LINGO2: variants seen among roughly 807,000 people sequenced by gnomAD.
LINGO2 encodes leucine-rich repeat and immunoglobulin-like domain-containing nogo receptor-interacting protein 2.
In LINGO2, 14 loss-of-function variants were observed where a neutral mutation model predicts 30.6. The observed-to-expected ratio is 0.46, with a 90% CI of 0.30 to 0.72. The LOEUF (loss-of-function observed/expected upper bound fraction) is 0.72, where lower values mean the gene tolerates loss of function less well. Among genes scored for constraint, LINGO2 ranks in the 30% least tolerant of loss-of-function variants. The pLI is 0.07. For synonymous variants in LINGO2, 317 were observed against 288.5 expected (o/e 1.10, Z -1.00); for missense variants, 729 against 751.7 (o/e 0.97, Z 0.35).
chr9:28,706,169 T>A, the LINGO2 span, among the ~76,000 whole-genome samples: 3 of 152,150 alleles, frequency 2.0e-5, no homozygotes, highest in Non-Finnish European at 4.4e-5. Context: ...ACTCTCTATA[T>A]GACAATCTAC....
intron 1 of LINGO2, among the ~76,000 whole-genome samples, chr9:28,541,478 T>A (rs997925055): frequency 3.3e-5 from 5 of 152,120 alleles, no homozygotes; most frequent in African/African-American, 1.2e-4. Flanking sequence ...AAAACATGAA[T>A]AGAAAAACAA....
the LINGO2 span, among the ~76,000 whole-genome samples, chr9:28,859,273 A>G: frequency 6.6e-6 from 1 of 152,102 alleles, no homozygotes; most frequent in African/African-American, 2.4e-5. Flanking sequence ...GTAAAAGTAC[A>G]GGATCTCAAG....
chr9:29,075,108 A>G, the LINGO2 span, among the ~76,000 whole-genome samples: 3 of 152,182 alleles, frequency 2.0e-5, no homozygotes. Flanking sequence ...AATTTATACT[A>G]GCATTCATAA....
At chr9:28,712,874 C>G in the LINGO2 span, among the ~76,000 whole-genome samples, 1 of 151,458 alleles carries the variant, frequency 6.6e-6, no homozygotes, top group East Asian at 1.9e-4. Flanking sequence ...TTCATTTATT[C>G]ATTTATTTTT....
the LINGO2 span, among the ~76,000 whole-genome samples, chr9:28,772,429 G>A: frequency 1.3e-5 from 2 of 152,240 alleles, no homozygotes; most frequent in African/African-American, 4.8e-5. Context: ...ATCCACTGAA[G>A]ACCAGTTGCA....
intron 1 of LINGO2, among the ~76,000 whole-genome samples, chr9:28,659,765 A>C (rs1398687618): frequency 6.6e-6 from 1 of 152,106 alleles, no homozygotes; most frequent in Non-Finnish European, 1.5e-5. Flanking sequence ...TGACTTCTGA[A>C]TTGCAAAGAT....
At chr9:28,660,564 C>G (rs570233328) in intron 1 of LINGO2, among the ~76,000 whole-genome samples, 6 of 151,318 alleles carry the variant, frequency 4.0e-5, no homozygotes, top group African/African-American at 1.2e-4. Flanking sequence ...AAAAATGTAG[C>G]CTAAAATCAT....
chr9:28,381,720 A>G (rs890165195), intron 2 of LINGO2, among the ~76,000 whole-genome samples: 1 of 152,034 alleles, frequency 6.6e-6, no homozygotes, highest in African/African-American at 2.4e-5. Context: ...TGTCTGATGG[A>G]AGTGTTTAGC....
chr9:29,026,566 T>G, the LINGO2 span, among the ~76,000 whole-genome samples: 1 of 152,262 alleles, frequency 6.6e-6, no homozygotes, highest in South Asian at 2.1e-4. Context: ...ACAGTATAGA[T>G]ATTTATATTT....
At chr9:28,117,318 G>C (rs1417629158) in intron 4 of LINGO2, among the ~76,000 whole-genome samples, 1 of 146,674 alleles carries the variant, frequency 6.8e-6, no homozygotes, top group Admixed American at 6.8e-5. Flanking sequence ...CTTCAAAGCT[G>C]TCAGACAGGG....
At chr9:27,946,592 A>G (rs1211325056), downstream of LINGO2, among the ~76,000 whole-genome samples, 4 of 152,118 alleles carry the variant, frequency 2.6e-5, no homozygotes, top group African/African-American at 9.7e-5. Flanking sequence ...CAATGCTGCA[A>G]AATAGTTTCT....
At chr9:28,079,586 G>T (rs1329635065) in intron 4 of LINGO2, among the ~76,000 whole-genome samples, 1 of 152,114 alleles carries the variant, frequency 6.6e-6, no homozygotes, top group African/African-American at 2.4e-5. Context: ...CTCCTCTGCT[G>T]CACTTAATAC....
chr9:28,851,421 G>T, the LINGO2 span, among the ~76,000 whole-genome samples: 13 of 152,092 alleles, frequency 8.5e-5, no homozygotes, highest in East Asian at 2.5e-3. Flanking sequence ...TAATTTTAAG[G>T]GTCCCTGTGA....
chr9:28,964,326 A>T, the LINGO2 span, among the ~76,000 whole-genome samples: 1 of 151,936 alleles, frequency 6.6e-6, no homozygotes, highest in African/African-American at 2.4e-5. Context: ...AAATACACCA[A>T]AAAAGCTTCC....
At chr9:28,438,842 AT>A (rs1189701152) in intron 2 of LINGO2, among the ~76,000 whole-genome samples, 11 of 146,520 alleles carry the variant, frequency 7.5e-5, no homozygotes, top group Non-Finnish European at 1.5e-4. Context: ...ATATATATAT[AT>A]ATATATAATG....
intron 1 of LINGO2, among the ~76,000 whole-genome samples, chr9:28,519,207 T>C (rs972568152): frequency 6.7e-6 from 1 of 150,254 alleles, no homozygotes; most frequent in Non-Finnish European, 1.5e-5. Context: ...AATTTTGTAT[T>C]TTTTTTTTAG....
chr9:28,878,972 TG>T, the LINGO2 span, among the ~76,000 whole-genome samples: 34 of 152,170 alleles, frequency 2.2e-4, no homozygotes, highest in Non-Finnish European at 4.6e-4. Context: ...AACATAGTGT[TG>T]GAAGTTCTGG....
the LINGO2 span, among the ~76,000 whole-genome samples, chr9:28,936,143 T>G: frequency 6.6e-6 from 1 of 152,292 alleles, no homozygotes; most frequent in Non-Finnish European, 1.5e-5. Context: ...TATTATTAAC[T>G]TCCATGTGCA....
chr9:29,032,341 C>T, the LINGO2 span, among the ~76,000 whole-genome samples: 1 of 152,092 alleles, frequency 6.6e-6, no homozygotes, highest in African/African-American at 2.4e-5. Context: ...TCCCACCTTT[C>T]TGAGACACAA....
Sources: gnomAD v4.1 joint callset for allele counts (sites outside exome capture counted in the v4.1 genomes callset) on GRCh38, gnomAD v4.1.1 for gene constraint, MANE v1.5 for transcripts, NCBI Gene and HGNC (gene_info 2026-07-23, HGNC 2026-07-21) for gene names.